The following SPDYE6 variants were observed in gnomAD, a reference collection of about 807,000 sequenced individuals.
SPDYE6 encodes speedy protein E6.
For synonymous variants in SPDYE6, 2 were observed against 103.0 expected (o/e 0.02, Z 5.94); for missense variants, 8 against 297.9 (o/e 0.03, Z 7.16).
chr7:102,351,617 G>C (rs1794566021), intron 4 of SPDYE6, among the ~76,000 whole-genome samples: 1 of 93,590 alleles, frequency 1.1e-5, no homozygotes, highest in East Asian at 3.0e-4. Flanking sequence ...GACCATGGGA[G>C]CTGGTCGGGC....
intron 2 of SPDYE6, among the ~76,000 whole-genome samples, chr7:102,353,644 T>G (rs1342597613): frequency 0.13 from 7,892 of 59,904 alleles, 4 homozygotes; most frequent in Admixed American, 0.25. Context: ...TCCCTTTTTT[T>G]TTTTTTTTTT....
intron 2 of SPDYE6, among the ~76,000 whole-genome samples, chr7:102,353,718 T>C (rs1794611901): frequency 1.3e-5 from 2 of 150,190 alleles, no homozygotes; most frequent in South Asian, 2.2e-4. Flanking sequence ...GGCTGGAGTG[T>C]AGTGGTGCGA....
rs1247460068 is a variant in SPDYE6 at position 102,346,921 on chromosome 7, G to A, written c.*346C>T. 3.3e-5 allele frequency among the ~76,000 whole-genome samples: 5 copies of A among 152,100 alleles called. No homozygotes were observed. Among genetic ancestry groups the A allele is most frequent in the East Asian group, 1.9e-4 (1 of 5,176 alleles). ...GTAAGAAACAGGACCTCCAGGTTCC[G>A]CCCCAGGGAGGTTGGAATTCAGCAA... On this transcript the variant is annotated 3_prime_UTR_variant, in exon 8 of 8. Transcript: ENST00000563237.
chr7:102,354,048 G>A (rs1483214545), intron 2 of SPDYE6, among the ~76,000 whole-genome samples: 1 of 21,482 alleles, frequency 4.7e-5, no homozygotes, highest in Non-Finnish European at 8.9e-5. Flanking sequence ...TTTTTTTTTT[G>A]AGACAGCGTC....
rs570248957 is a variant in SPDYE6 at position 102,345,866 on chromosome 7, T to C, written c.*1401A>G. ...AGAACACACATTCTCTTTAAAGTAA[T>C]ATACAAACATGCCAAAACAAGGTAA... is the stretch of plus-strand genomic sequence containing the variant. On this transcript the variant is annotated 3_prime_UTR_variant, in exon 8 of 8. Coordinates refer to ENST00000563237, the MANE Select transcript of SPDYE6 (RefSeq NM_001146210.4). Among the ~76,000 whole-genome samples the C allele has an allele frequency of 1.5e-3, 224 of 152,292 alleles. No individual in the cohort carries two copies. Among genetic ancestry groups the C allele is most frequent in the African/African-American group, 5.0e-3 (206 of 41,560 alleles).
At chr7:102,351,155 A>G (rs1280337359) in intron 4 of SPDYE6, among the ~76,000 whole-genome samples, 37 of 147,976 alleles carry the variant, frequency 2.5e-4, no homozygotes, top group African/African-American at 7.5e-4. Flanking sequence ...CAGGAGCTTC[A>G]GGGCTGCGGC....
rs1411250454 is a variant in SPDYE6 at position 102,345,982 on chromosome 7, G to A, written c.*1285C>T. On this transcript the variant is annotated 3_prime_UTR_variant, in exon 8 of 8. Coordinates refer to ENST00000563237, the MANE Select transcript of SPDYE6 (RefSeq NM_001146210.4). ...AAGAATTTAGGGGAACTACTACATA[G>A]CTATAAATGTAATATATATGTTAAC... 6.6e-6 allele frequency among the ~76,000 whole-genome samples: 1 copy of A among 151,566 alleles called. No homozygotes were observed. The highest frequency in any genetic ancestry group is 2.4e-5 in the African/African-American group (1 of 41,300).
chr7:102,352,405 C>G (rs1235293624), intron 3 of SPDYE6, among the ~76,000 whole-genome samples: 107 of 144,754 alleles, frequency 7.4e-4, no homozygotes, highest in African/African-American at 2.7e-3. Flanking sequence ...ACGGAGGGAC[C>G]ACTGCAGAGT....
At chr7:102,353,727 G>T (rs1350134598) in intron 2 of SPDYE6, among the ~76,000 whole-genome samples, 1 of 149,064 alleles carries the variant, frequency 6.7e-6, no homozygotes, top group Non-Finnish European at 1.5e-5. Flanking sequence ...GTAGTGGTGC[G>T]ATCTTGGCTC....
rs1328685698 is a variant in SPDYE6, at chr7:102,346,150, A to G, written c.*1117T>C. On this transcript the variant is annotated 3_prime_UTR_variant, in exon 8 of 8. Coordinates refer to ENST00000563237, the MANE Select transcript of SPDYE6 (RefSeq NM_001146210.4). Reference sequence around the variant, plus strand: ...TTATATGTATGTGTATATAACAGTTATAATACCCATCACACAGCTTTGTAG... The same window carrying G: ...TTATATGTATGTGTATATAACAGTTGTAATACCCATCACACAGCTTTGTAG... Among the ~76,000 whole-genome samples, 1 of 151,160 alleles carries G rather than the reference A, an allele frequency of 6.6e-6. No individual in the cohort carries two copies. The highest frequency in any genetic ancestry group is 1.5e-5 in the Non-Finnish European group (1 of 67,798).
At position 102,346,115 on chromosome 7, in the gene SPDYE6, G is replaced by C. The variant is rs1754113092; in HGVS notation, c.*1152C>G. Among the ~76,000 whole-genome samples the C allele has an allele frequency of 6.6e-6, 1 of 151,092 alleles. No individual in the cohort carries two copies. Among genetic ancestry groups the C allele is most frequent in the South Asian group, 2.1e-4 (1 of 4,802 alleles). ...ATGAAAAGAATCCTCTCTTAAAAAG[G>C]AAAACAAAATTATATGTATGTGTAT... On this transcript the variant is annotated 3_prime_UTR_variant, in exon 8 of 8. Transcript: ENST00000563237.
chr7:102,353,871 C>T (rs1794614477), intron 2 of SPDYE6, among the ~76,000 whole-genome samples: 2 of 88,352 alleles, frequency 2.3e-5, no homozygotes, highest in African/African-American at 5.1e-5. Context: ...ACCATGTTGG[C>T]CAGGCTGGTC....
Position 102,350,804 on chromosome 7 carries a change from C to G in SPDYE6, c.679G>C (p.Ala227Pro). ...DLRVSDKYLL[A>P]MVIAYFSRAG... Reference sequence around the variant, plus strand: ...CGGCTGAAATACGCTATGACCATAGCCAGGAGATACTGATGGAGAGAAAGG... The same window carrying G: ...CGGCTGAAATACGCTATGACCATAGGCAGGAGATACTGATGGAGAGAAAGG... Residue 227 changes from alanine to proline, a missense_variant, in exon 5 of 8, where the codon GCT becomes CCT. Physicochemically the swap from Ala to Pro is conservative, Grantham distance 27 (BLOSUM62 -1). Transcript: ENST00000563237. 1.4e-6 allele frequency: 2 copies of G among 1,428,978 alleles called. 1 individual carries two copies. The highest frequency in any genetic ancestry group is 1.9e-6 in the Non-Finnish European group (2 of 1,066,480). 88.5% of individuals were successfully genotyped at this position (1,428,978 alleles called of 1,614,324 possible). A position where few individuals can be genotyped will look rare whatever the true frequency, so the allele number is the denominator to read the frequency against.
chr7:102,345,912 A>C lies in SPDYE6; in HGVS notation c.*1355T>G, dbSNP rs1490783135. Among the ~76,000 whole-genome samples, 1 of 152,206 alleles carries C rather than the reference A, an allele frequency of 6.6e-6. No homozygotes were observed. Among genetic ancestry groups the C allele is most frequent in the Non-Finnish European group, 1.5e-5 (1 of 68,048 alleles). On this transcript the variant is annotated 3_prime_UTR_variant, in exon 8 of 8. Transcript: ENST00000563237. ...GGTAAAAAATTACATCTGAATTCTC[A>C]CATTTCAAACATATATGAAATATCA...
At chr7:102,352,336 G>A (rs1159468830) in intron 3 of SPDYE6, among the ~76,000 whole-genome samples, 10 of 149,572 alleles carry the variant, frequency 6.7e-5, no homozygotes, top group African/African-American at 2.4e-4. Context: ...AGGAGGCCCT[G>A]GGTGTGAGAA....
chr7:102,346,915 G>T lies in SPDYE6; in HGVS notation c.*352C>A, dbSNP rs1794506656. On this transcript the variant is annotated 3_prime_UTR_variant, in exon 8 of 8. Transcript: ENST00000563237. ...AAGTCCGTAAGAAACAGGACCTCCA[G>T]GTTCCGCCCCAGGGAGGTTGGAATT... Among the ~76,000 whole-genome samples the T allele has an allele frequency of 6.6e-6, 1 of 152,028 alleles. No individual in the cohort carries two copies. The highest frequency in any genetic ancestry group is 1.5e-5 in the Non-Finnish European group (1 of 67,994).
At position 102,346,240 on chromosome 7, in the gene SPDYE6, T is replaced by TAATATTTAAATAAATATATATATTTAATA. The variant is rs1794494262; in HGVS notation, c.*1026_*1027insTATTAAATATATATATTTATTTAAATATT. On this transcript the variant is annotated 3_prime_UTR_variant, in exon 8 of 8. Coordinates refer to ENST00000563237, the MANE Select transcript of SPDYE6 (RefSeq NM_001146210.4). ...TTTAAAATAATATTTAATGTAAAAA[T>TAATATTTAAATAAATATATATATTTAATA]AATATTTAAATAAATAAATATATTT... 3.7e-5 allele frequency among the ~76,000 whole-genome samples: 5 copies of TAATATTTAAATAAATATATATATTTAATA among 135,870 alleles called. No homozygotes were observed. In the East Asian group the frequency reaches 1.1e-3, roughly 29 times the overall value. 89.1% of individuals were successfully genotyped at this position (135,870 alleles called of 152,430 possible).
Position 102,346,014 on chromosome 7 carries a change from T to A in SPDYE6, c.*1253A>T, listed in dbSNP as rs1794489332. On this transcript the variant is annotated 3_prime_UTR_variant, in exon 8 of 8. Transcript: ENST00000563237. ...ATGTAATATATATGTTAACTAAGTATCATAGATAAAATCCATGCTCCCTTC... is the reference window on the plus strand; with the variant it reads ...ATGTAATATATATGTTAACTAAGTAACATAGATAAAATCCATGCTCCCTTC... Among the ~76,000 whole-genome samples the A allele has an allele frequency of 6.6e-6, 1 of 151,740 alleles. No individual in the cohort carries two copies. Among genetic ancestry groups the A allele is most frequent in the Non-Finnish European group, 1.5e-5 (1 of 67,932 alleles).
At chr7:102,355,542 T>TC (rs1554562963) in intron 1 of SPDYE6, among the ~76,000 whole-genome samples, 11 of 3,476 alleles carry the variant, frequency 3.2e-3, no homozygotes, top group African/African-American at 0.012. Context: ...TTCTTTTCTT[T>TC]TTTTTTTTTT....
Sources: gnomAD v4.1 joint callset for allele counts (sites outside exome capture counted in the v4.1 genomes callset) on GRCh38, gnomAD v4.1.1 for gene constraint, MANE v1.5 for transcripts, NCBI Gene and HGNC (gene_info 2026-07-23, HGNC 2026-07-21) for gene names.